The following GABRG2 variants were observed in gnomAD, a reference collection of about 807,000 sequenced individuals.
The protein encoded by GABRG2 is gamma-aminobutyric acid type A receptor subunit gamma2.
Under a neutral mutation model 56.4 loss-of-function variants are expected in GABRG2, and 16 were observed. That is an observed-to-expected ratio of 0.28 (90% CI 0.19 to 0.43). GABRG2 has a LOEUF of 0.43. Ranked by LOEUF, GABRG2 falls within the 20% of genes least tolerant of loss-of-function variation. GABRG2 has a pLI of 1.00. For synonymous variants in GABRG2, 208 were observed against 205.5 expected (o/e 1.01, Z -0.10); for missense variants, 327 against 582.7 (o/e 0.56, Z 4.52).
chr5:162,072,473 A>C (rs1019875677), intron 1 of GABRG2, among the ~76,000 whole-genome samples: 2 of 152,082 alleles, frequency 1.3e-5, no homozygotes, highest in African/African-American at 4.8e-5. Flanking sequence ...GTGTCGGCAC[A>C]ATTCAAATGC....
chr5:162,092,774 G>A (rs1251871828), intron 1 of GABRG2, among the ~76,000 whole-genome samples: 3 of 152,004 alleles, frequency 2.0e-5, no homozygotes, highest in African/African-American at 7.2e-5. Context: ...AGAAAAATAA[G>A]GTAAAGATGG....
intron 1 of GABRG2, among the ~76,000 whole-genome samples, chr5:162,081,463 T>C (rs1286592306): frequency 1.3e-5 from 2 of 152,020 alleles, no homozygotes; most frequent in East Asian, 1.9e-4. Flanking sequence ...GTGGTACTTA[T>C]GGTACTCACA....
At chr5:162,112,378 C>T (rs1762312294) in intron 6 of GABRG2, among the ~76,000 whole-genome samples, 1 of 149,734 alleles carries the variant, frequency 6.7e-6, no homozygotes, top group Admixed American at 6.8e-5. Context: ...CTCTAATAAA[C>T]AGCTACTGCC....
At position 162,142,259 on chromosome 5, in the gene GABRG2, C is replaced by T. The variant is rs1764625414; in HGVS notation, c.865C>T (p.Leu289=). Residue 289 remains leucine (L), a synonymous_variant, in exon 7 of 10, where the codon CTA becomes TTA. Coordinates refer to ENST00000639213, the MANE Select transcript of GABRG2 (RefSeq NM_198904.4). ...TYIPCTLIVV[L]SWVSFWINKD... ...TATCCCCTGCACACTCATTGTCGTC[C>T]TATCCTGGGTGTCTTTCTGGATCAA... is the stretch of plus-strand genomic sequence containing the variant. The T allele has an allele frequency of 1.2e-6, 2 of 1,613,960 alleles. No individual in the cohort carries two copies. The highest frequency in any genetic ancestry group is 1.7e-6 in the Non-Finnish European group (2 of 1,179,980).
intron 6 of GABRG2, among the ~76,000 whole-genome samples, chr5:162,138,943 T>C: frequency 6.6e-6 from 1 of 151,956 alleles, no homozygotes; most frequent in Non-Finnish European, 1.5e-5. Context: ...ATGTGGAAAA[T>C]GAGAACCTAA....
intron 1 of GABRG2, among the ~76,000 whole-genome samples, chr5:162,084,627 A>T (rs978987189): frequency 1.3e-5 from 2 of 151,896 alleles, no homozygotes; most frequent in African/African-American, 4.8e-5. Context: ...AGCCAGGGAT[A>T]AGAGTGACTA....
intron 6 of GABRG2, among the ~76,000 whole-genome samples, chr5:162,123,601 A>G (rs1215698764): frequency 6.6e-6 from 1 of 151,914 alleles, no homozygotes; most frequent in Non-Finnish European, 1.5e-5. Flanking sequence ...ATATAATCAC[A>G]TGTATATTTT....
At position 162,153,743 on chromosome 5, in the gene GABRG2, T is replaced by C. The variant is rs1765537651; in HGVS notation, c.*375T>C. 3.7e-6 allele frequency: 1 copy of C among 269,030 alleles called. No homozygotes were observed. Among genetic ancestry groups the C allele is most frequent in the South Asian group, 4.9e-5 (1 of 20,320 alleles). 16.7% of individuals were successfully genotyped at this position (269,030 alleles called of 1,614,324 possible). The stretch of plus-strand genomic sequence containing the variant: ...AGAAAAGGTCCAAAACTGTACCCTA[T>C]GTTCACTCCGGGTCAAGTTGTGATA... On this transcript the variant is annotated 3_prime_UTR_variant, in exon 10 of 10. Transcript: ENST00000639213.
chr5:162,121,074 C>G (rs1442632625), intron 6 of GABRG2, among the ~76,000 whole-genome samples: 1 of 152,088 alleles, frequency 6.6e-6, no homozygotes, highest in African/African-American at 2.4e-5. Flanking sequence ...TGTAGAAGCT[C>G]TACGCTTTTT....
chr5:162,121,296 G>A (rs1762963138), intron 6 of GABRG2, among the ~76,000 whole-genome samples: 1 of 152,022 alleles, frequency 6.6e-6, no homozygotes, highest in Non-Finnish European at 1.5e-5. Context: ...ATATAATTAG[G>A]TGTGAGCTAA....
chr5:162,085,142 G>A (rs968333400), intron 1 of GABRG2, among the ~76,000 whole-genome samples: 2 of 151,802 alleles, frequency 1.3e-5, no homozygotes, highest in Admixed American at 6.6e-5. Context: ...ATTGTTGTAC[G>A]ATATTTCATT....
At chr5:162,108,300 A>C (rs1431460414) in intron 6 of GABRG2, among the ~76,000 whole-genome samples, 2 of 152,178 alleles carry the variant, frequency 1.3e-5, no homozygotes, top group Admixed American at 1.3e-4. Flanking sequence ...TCAATTGAGC[A>C]CAAGCTATTG....
chr5:162,076,392 C>G (rs150929063), intron 1 of GABRG2, among the ~76,000 whole-genome samples: 1 of 152,012 alleles, frequency 6.6e-6, no homozygotes. Flanking sequence ...TTTTTAAATA[C>G]AACTTTTCTA....
At chr5:162,071,682 A>G (rs942653813) in intron 1 of GABRG2, among the ~76,000 whole-genome samples, 2 of 152,088 alleles carry the variant, frequency 1.3e-5, no homozygotes, top group East Asian at 3.9e-4. Flanking sequence ...ATTCTTCAAT[A>G]TACCCTTATT....
intron 8 of GABRG2, chr5:162,149,614 A>G (rs780415853): frequency 2.8e-6 from 2 of 713,314 alleles, no homozygotes; most frequent in East Asian, 5.3e-5. Context: ...CTATTATTCC[A>G]GGTTTCACTG....
chr5:162,119,369 T>C (rs1160812158), intron 6 of GABRG2, among the ~76,000 whole-genome samples: 3 of 152,174 alleles, frequency 2.0e-5, no homozygotes, highest in Non-Finnish European at 4.4e-5. Context: ...GAGTTCATAG[T>C]TACCCAATGT....
chr5:162,137,019 A>C (rs931366364), intron 6 of GABRG2, among the ~76,000 whole-genome samples: 24 of 152,268 alleles, frequency 1.6e-4, no homozygotes, highest in Admixed American at 9.8e-4. Flanking sequence ...TTAATGAGAG[A>C]ATAAACAACC....
chr5:162,121,104 A>G (rs1028473393), intron 6 of GABRG2, among the ~76,000 whole-genome samples: 3 of 152,138 alleles, frequency 2.0e-5, no homozygotes, highest in African/African-American at 7.2e-5. Flanking sequence ...TCCCTCTGTC[A>G]AAAGTATGGA....
intron 1 of GABRG2, among the ~76,000 whole-genome samples, chr5:162,069,034 GA>G (rs549152437): frequency 2.0e-5 from 3 of 150,788 alleles, no homozygotes; most frequent in African/African-American, 7.3e-5. Flanking sequence ...GCACTGAATA[GA>G]AAAAAAAAGG....
Sources: allele counts gnomAD v4.1 joint callset (sites outside exome capture counted in the v4.1 genomes callset), GRCh38; gene constraint gnomAD v4.1.1; transcripts MANE v1.5; gene names NCBI Gene and HGNC (gene_info 2026-07-23, HGNC 2026-07-21).